TNXB: variants seen among roughly 807,000 people sequenced by gnomAD.
TNXB encodes the protein tenascin-X.
TNXB carries 183 observed loss-of-function variants against 340.5 expected under a neutral mutation model. That is an observed-to-expected ratio of 0.54 (90% CI 0.48 to 0.61). The LOEUF (loss-of-function observed/expected upper bound fraction) is 0.61, where lower values mean the gene tolerates loss of function less well. Among genes scored for constraint, TNXB ranks in the 20% least tolerant of loss-of-function variants. The pLI, the probability that TNXB is intolerant of heterozygous loss-of-function variation, is 0.00. For synonymous variants in TNXB, 2,121 were observed against 2,314.5 expected (o/e 0.92, Z 2.40); for missense variants, 4,613 against 5,446.4 (o/e 0.85, Z 4.82).
At chr6:32,054,579 G>C (rs1445771477) in intron 24 of TNXB, among the ~76,000 whole-genome samples, 1 of 152,204 alleles carries the variant, frequency 6.6e-6, no homozygotes, top group African/African-American at 2.4e-5. Flanking sequence ...GGCCTGCCTG[G>C]CCTCAGGTCC....
chr6:32,103,727 CTTTTTT>C (rs28986186), intron 1 of TNXB, among the ~76,000 whole-genome samples: 18 of 123,422 alleles, frequency 1.5e-4, no homozygotes, highest in Non-Finnish European at 2.9e-4. Flanking sequence ...TTCACCGCAT[CTTTTTT>C]TTTTTTTTTT....
chr6:32,088,784 C>T lies in TNXB; in HGVS notation c.2779+1G>A. ...CTTCCCTAACCTCTGGCCAGCCATA[C>T]CTGTGTTGGCCCTGACAGAAGCTGG... is the stretch of plus-strand genomic sequence containing the variant. On this transcript the variant is annotated splice_donor_variant, in intron 6 of 43. Coordinates refer to ENST00000644971, the MANE Select transcript of TNXB (RefSeq NM_001365276.2). LOFTEE classifies it high-confidence loss of function. The T allele has an allele frequency of 1.3e-6, 2 of 1,567,436 alleles. No homozygotes were observed. The highest frequency in any genetic ancestry group is 1.4e-5 in the African/African-American group (1 of 74,066).
intron 18 of TNXB, among the ~76,000 whole-genome samples, chr6:32,066,514 A>G (rs1164681564): frequency 6.6e-6 from 1 of 152,232 alleles, no homozygotes; most frequent in Non-Finnish European, 1.5e-5. Flanking sequence ...GCTAGACACA[A>G]AAGAATACAT....
chr6:32,042,422 G>A, intron 40 of TNXB, 33 bp downstream of exon 40: 6 of 1,606,146 alleles, frequency 3.7e-6, no homozygotes, highest in Non-Finnish European at 5.1e-6. Context: ...ACCCTGCCCT[G>A]CACAGACCCC....
intron 4 of TNXB, chr6:32,093,286 C>T (rs1234487294): frequency 1.3e-5 from 9 of 676,498 alleles, no homozygotes; most frequent in Non-Finnish European, 8.1e-6. Context: ...TTTCTTTTCT[C>T]TAGTTGCCAA....
rs1292469141 is a variant in TNXB, at chr6:32,108,827, C to A, written c.-9+354G>T. On this transcript the variant is annotated intron_variant, in intron 1 of 43. Coordinates refer to ENST00000644971, the MANE Select transcript of TNXB (RefSeq NM_001365276.2). The surrounding 1 kb of genome is among the most constrained non-coding windows in gnomAD (Gnocchi z 4.8). ...AGTCCTATCTTCCCGCTAGCCCCAG[C>A]ACCTCCAGGGCCCAGGGGCTCACCT... Among the ~76,000 whole-genome samples, 1 of 152,156 alleles carries A rather than the reference C, an allele frequency of 6.6e-6. No homozygotes were observed. Among genetic ancestry groups the A allele is most frequent in the Non-Finnish European group, 1.5e-5 (1 of 68,024 alleles).
intron 3 of TNXB, among the ~76,000 whole-genome samples, chr6:32,095,400 C>T (rs1309900791): frequency 1.3e-5 from 2 of 152,120 alleles, no homozygotes; most frequent in Non-Finnish European, 2.9e-5. Flanking sequence ...CTAAATGCAA[C>T]TAAATGGGCC....
Position 32,068,839 on chromosome 6 carries a change from T to G in TNXB, c.5885A>C (p.His1962Pro). Reference protein sequence around the residue: ...FSDGKHVGPVHVEALTVPEEE... With the variant: ...FSDGKHVGPVPVEALTVPEEE... ...GTTCTCACCTGTCAGGGCCTCGACATGGACAGGACCTACATGCTTCCCATC... is the reference window on the plus strand; with the variant it reads ...GTTCTCACCTGTCAGGGCCTCGACAGGGACAGGACCTACATGCTTCCCATC... Residue 1962 changes from histidine to proline, a missense_variant, in exon 16 of 44, where the codon CAT (histidine) becomes CCT (proline). His to Pro is a moderately conservative substitution (Grantham distance 77). This residue lies in a region of TNXB where 4,327 missense variants were observed against 4,859.4 expected (regional missense o/e 0.89). Transcript: ENST00000644971. This position sits in a 1 kb window ranked among gnomAD's most constrained non-coding sequence, Gnocchi z 5.3. The G allele has an allele frequency of 1.9e-6, 3 of 1,607,362 alleles. No individual in the cohort carries two copies. The highest frequency in any genetic ancestry group is 2.6e-6 in the Non-Finnish European group (3 of 1,175,368).
chr6:32,063,777 T>G (rs1187522655), intron 19 of TNXB, among the ~76,000 whole-genome samples: 1 of 152,204 alleles, frequency 6.6e-6, no homozygotes, highest in African/African-American at 2.4e-5. Flanking sequence ...TGTCTGTTCT[T>G]TTTGAGAACT....
rs1297048143 is a variant in TNXB at position 32,096,939 on chromosome 6, T to A, written c.914A>T (p.Asp305Val). 1 of 1,593,812 alleles carries A rather than the reference T, an allele frequency of 6.3e-7. No homozygotes were observed. The highest frequency in any genetic ancestry group is 8.6e-7 in the Non-Finnish European group (1 of 1,163,392). Residue 305 changes from aspartate (D) to valine (V), a missense_variant, in exon 3 of 44, where the codon GAC becomes GTC. This residue lies in a region of TNXB where 4,327 missense variants were observed against 4,859.4 expected (regional missense o/e 0.89). Transcript: ENST00000644971. Reference sequence around the variant, plus strand: ...CCGAGGGCAGCTCCTCACCCCACAGTCCTCGCCAGTGTAGCCGGGGTTACA... The same window carrying A: ...CCGAGGGCAGCTCCTCACCCCACAGACCTCGCCAGTGTAGCCGGGGTTACA... Reference protein sequence around the residue: ...CVCNPGYTGEDCGVRSCPRGC... With the variant: ...CVCNPGYTGEVCGVRSCPRGC...
Position 32,087,750 on chromosome 6 carries a change from C to T in TNXB, c.2779+1035G>A, listed in dbSNP as rs781509106. ...CCCGCAGTGGGTAGCCGTGAGCCCG[C>T]AGGTGGCGCTCCAGGTCCTGCACCG... is the stretch of plus-strand genomic sequence containing the variant. On this transcript the variant is annotated intron_variant, in intron 6 of 43. Transcript: ENST00000644971. The surrounding 1 kb of genome is among the most constrained non-coding windows in gnomAD (Gnocchi z 9.0). 1 of 505,616 alleles carries T rather than the reference C, an allele frequency of 2.0e-6. No homozygotes were observed. The highest frequency in any genetic ancestry group is 1.4e-5 in the South Asian group (1 of 69,126). The allele number at this position is 505,616 out of a possible 1,614,324, so 31.3% of individuals were successfully genotyped here.
At chr6:32,059,418 C>CAAA (rs571985819) in intron 21 of TNXB, among the ~76,000 whole-genome samples, 5 of 36,534 alleles carry the variant, frequency 1.4e-4, no homozygotes, top group African/African-American at 2.2e-4. Flanking sequence ...GACTCAGTCT[C>CAAA]AAAAAAAAAA....
chr6:32,084,738 T>C lies in TNXB; in HGVS notation c.3149-29A>G, dbSNP rs909822571. The C allele has an allele frequency of 7.2e-6, 11 of 1,522,836 alleles. No individual in the cohort carries two copies. Among genetic ancestry groups the C allele is most frequent in the African/African-American group, 4.1e-5 (3 of 73,164 alleles). 94.3% of individuals were successfully genotyped at this position (1,522,836 alleles called of 1,614,324 possible). ...GAGTTTGAGAGGCAAAAGCAAAGCA[T>C]AGTGGACTCAACCGTTCTCTTGTCT... On this transcript the variant is annotated intron_variant, in intron 7 of 43. Transcript: ENST00000644971. The surrounding 1 kb of genome is among the most constrained non-coding windows in gnomAD (Gnocchi z 5.5).
In TNXB at chr6:32,046,331, T is replaced by C. The variant is rs1240606658; in HGVS notation, c.10450A>G (p.Arg3484Gly). The change falls in exon 31 of 44, where the codon AGG (arginine) becomes GGG (glycine). Residue 3484 changes from arginine (R) to glycine (G), a missense_variant. By Grantham distance (125) the Arg-to-Gly change is moderately radical. This residue lies in a region of TNXB where 4,327 missense variants were observed against 4,859.4 expected (regional missense o/e 0.89). Transcript: ENST00000644971. The surrounding 1 kb of genome is among the most constrained non-coding windows in gnomAD (Gnocchi z 6.9). Reference protein sequence around the residue: ...GPFDSFVVQYRDTDGQPRAVP... With the variant: ...GPFDSFVVQYGDTDGQPRAVP... The stretch of plus-strand genomic sequence containing the variant: ...GCCCTGGGCTGCCCGTCCGTGTCCC[T>C]GTACTGGACCACGAAGGAGTCAAAG... 6.2e-6 allele frequency: 10 copies of C among 1,605,980 alleles called. No individual in the cohort carries two copies. Among genetic ancestry groups the C allele is most frequent in the Non-Finnish European group, 8.5e-6 (10 of 1,177,790 alleles).
chr6:32,055,482 C>G (rs545295609), intron 24 of TNXB, among the ~76,000 whole-genome samples: 489 of 152,306 alleles, frequency 3.2e-3, no homozygotes, highest in Non-Finnish European at 3.4e-3. Flanking sequence ...CGCGCTGCCC[C>G]TCACTGCCTT....
Position 32,043,558 on chromosome 6 carries a change from T to TG in TNXB, c.11531-3dup, listed in dbSNP as rs754256350. The stretch of plus-strand genomic sequence containing the variant: ...GCAACTGTGTGGGACCGTCAGGAAC[T>TG]GGGGGAAGGGGAGGGGCTCAGAAGG... On this transcript the variant is annotated splice_region_variant and splice_polypyrimidine_tract_variant and intron_variant, in intron 35 of 43. Coordinates refer to ENST00000644971, the MANE Select transcript of TNXB (RefSeq NM_001365276.2). 1.1e-5 allele frequency: 12 copies of TG among 1,046,718 alleles called. No homozygotes were observed. The highest frequency in any genetic ancestry group is 3.9e-5 in the South Asian group (3 of 77,480). The allele number at this position is 1,046,718 out of a possible 1,614,324, so 64.8% of individuals were successfully genotyped here.
chr6:32,094,393 A>G (rs925331299), intron 4 of TNXB, among the ~76,000 whole-genome samples: 14 of 152,030 alleles, frequency 9.2e-5, no homozygotes, highest in Non-Finnish European at 1.6e-4. Context: ...CGGGGCCTAT[A>G]TTACTTTTAT....
rs554433216 is a variant in TNXB, at chr6:32,058,079, C to T, written c.7804G>A (p.Val2602Met). Reference sequence around the variant, plus strand: ...TCACCTGTGACGCCCACGGCAGACACCGGGCCCAGGCGCCGCCCCTCGTGG... The same window carrying T: ...TCACCTGTGACGCCCACGGCAGACATCGGGCCCAGGCGCCGCCCCTCGTGG... ...GLHEGRRLGP[V>M]SAVGVTEDEA... Residue 2602 changes from valine (V) to methionine (M), a missense_variant, in exon 22 of 44, where the codon GTG (valine) becomes ATG (methionine). Val to Met is a conservative substitution (Grantham distance 21, BLOSUM62 1). Coordinates refer to ENST00000644971, the MANE Select transcript of TNXB (RefSeq NM_001365276.2). This position sits in a 1 kb window ranked among gnomAD's most constrained non-coding sequence, Gnocchi z 5.1. The T allele has an allele frequency of 3.7e-5, 59 of 1,610,916 alleles. No individual in the cohort carries two copies. The highest frequency in any genetic ancestry group is 1.7e-4 in the Middle Eastern group (1 of 5,972).
chr6:32,096,694 C>T lies in TNXB; in HGVS notation c.1159G>A (p.Glu387Lys), dbSNP rs1400674249. Residue 387 changes from glutamate (E) to lysine (K), a missense_variant, in exon 3 of 44, where the codon GAA becomes AAA. Physicochemically the swap from Glu to Lys is moderately conservative, Grantham distance 56. This residue lies in a region of TNXB where 4,327 missense variants were observed against 4,859.4 expected (regional missense o/e 0.89). Transcript: ENST00000644971. ...CRGRGRCEDG[E>K]CICDTGYSGD... is the part of the protein sequence containing the mutation. The stretch of plus-strand genomic sequence containing the variant: ...CTGTAGCCCGTGTCGCAAATGCATT[C>T]GCCGTCCTCGCAGCGCCCGCGGCCC... 1.3e-6 allele frequency: 2 copies of T among 1,548,398 alleles called. No individual in the cohort carries two copies. The highest frequency in any genetic ancestry group is 1.7e-6 in the Non-Finnish European group (2 of 1,150,502).
Sources: allele counts gnomAD v4.1 joint callset (sites outside exome capture counted in the v4.1 genomes callset), GRCh38; gene constraint gnomAD v4.1.1; regional missense constraint gnomAD v4.1.1; non-coding constraint Gnocchi (gnomAD v3.1); transcripts MANE v1.5; gene names NCBI Gene and HGNC (gene_info 2026-07-23, HGNC 2026-07-21).